The following CNTN4 variants were observed in gnomAD, a reference collection of about 807,000 sequenced individuals.
CNTN4 encodes contactin-4.
Under a neutral mutation model 122.5 loss-of-function variants are expected in CNTN4, and 77 were observed. That is an observed-to-expected ratio of 0.63 (90% CI 0.52 to 0.76). The LOEUF (loss-of-function observed/expected upper bound fraction) is 0.76. CNTN4 is among the 30% of genes least tolerant of loss of function. The probability of loss-of-function intolerance (pLI) is 0.00; values close to 1 mark genes in which losing one functional copy is unlikely to be tolerated. For missense variants in CNTN4, 1,256 were observed against 1,259.1 expected (o/e 1.00, Z 0.04); for synonymous variants, 512 against 447.0 (o/e 1.15, Z -1.83).
chr3:2,619,229 A>G (rs1440737596), intron 4 of CNTN4, among the ~76,000 whole-genome samples: 1 of 152,202 alleles, frequency 6.6e-6, no homozygotes, highest in African/African-American at 2.4e-5. Context: ...AGAAGAGAAA[A>G]TATCATGATT....
intron 14 of CNTN4, among the ~76,000 whole-genome samples, chr3:3,005,831 G>A (rs1696558474): frequency 2.0e-5 from 3 of 152,092 alleles, no homozygotes; most frequent in Admixed American, 2.0e-4. Flanking sequence ...TTGGAATTTG[G>A]GGGTTGGGGA....
chr3:2,118,820 A>G (rs918407420), intron 2 of CNTN4, among the ~76,000 whole-genome samples: 1 of 152,198 alleles, frequency 6.6e-6, no homozygotes, highest in African/African-American at 2.4e-5. Flanking sequence ...TCAGAACATG[A>G]TGTTTCATTT....
rs760573660 is a variant in CNTN4 at position 2,887,026 on chromosome 3, A to C, written c.756-14A>C. ...TCTCTAGTTTGATTCACTCCTTTTT[A>C]TTCTTGCTATCAGTCCAGTACCAAC... On this transcript the variant is annotated splice_polypyrimidine_tract_variant and intron_variant, in intron 9 of 24. Coordinates refer to ENST00000418658, the MANE Select transcript of CNTN4 (RefSeq NM_175607.3). 3 of 1,611,714 alleles carry C rather than the reference A, an allele frequency of 1.9e-6. No homozygotes were observed. The highest frequency in any genetic ancestry group is 2.5e-6 in the Non-Finnish European group (3 of 1,178,554).
intron 2 of CNTN4, among the ~76,000 whole-genome samples, chr3:2,278,330 A>G (rs2041594508): frequency 6.6e-6 from 1 of 152,202 alleles, no homozygotes; most frequent in Admixed American, 6.5e-5. Context: ...TTGGACATGC[A>G]TTCCTACTTC....
In CNTN4 at chr3:2,400,428, C is replaced by CATACAT. The variant is rs1156582228; in HGVS notation, c.-89+61198_-89+61199insCATATA. Among the ~76,000 whole-genome samples the CATACAT allele has an allele frequency of 1.7e-3, 161 of 95,794 alleles. 5 individuals carry two copies. Among genetic ancestry groups the CATACAT allele is most frequent in the Middle Eastern group, 6.4e-3 (1 of 156 alleles). 62.8% of individuals were successfully genotyped at this position (95,794 alleles called of 152,430 possible). On this transcript the variant is annotated intron_variant, in intron 3 of 24. Transcript: ENST00000418658. ...GAATATATATATATATATATATATA[C>CATACAT]ATATATATATATATATATATATCTC... is the stretch of plus-strand genomic sequence containing the variant.
intron 3 of CNTN4, among the ~76,000 whole-genome samples, chr3:2,493,312 G>A (rs1222421786): frequency 6.6e-6 from 1 of 151,918 alleles, no homozygotes; most frequent in African/African-American, 2.4e-5. Context: ...GATTATACTG[G>A]ACATTGGAAG....
intron 7 of CNTN4, among the ~76,000 whole-genome samples, chr3:2,853,421 T>C (rs1314597841): frequency 6.6e-6 from 1 of 152,086 alleles, no homozygotes; most frequent in Admixed American, 6.6e-5. Context: ...ATTTTTGAAT[T>C]TTTAGTAGAG....
At chr3:2,165,323 T>TA (rs1174087198) in intron 2 of CNTN4, among the ~76,000 whole-genome samples, 150 of 142,700 alleles carry the variant, frequency 1.1e-3, no homozygotes, top group East Asian at 1.4e-3. Flanking sequence ...GACTGCATCT[T>TA]AAAAAAAAAA....
At chr3:2,429,470 T>C (rs1459291407) in intron 3 of CNTN4, among the ~76,000 whole-genome samples, 2 of 152,152 alleles carry the variant, frequency 1.3e-5, no homozygotes, top group Non-Finnish European at 2.9e-5. Flanking sequence ...CACCCGGCCA[T>C]ATGAGGTGTC....
intron 4 of CNTN4, among the ~76,000 whole-genome samples, chr3:2,699,477 A>G (rs1375065822): frequency 6.6e-6 from 1 of 152,230 alleles, no homozygotes; most frequent in Non-Finnish European, 1.5e-5. Flanking sequence ...TGTAAAAGTC[A>G]GGTGTAAATT....
intron 2 of CNTN4, among the ~76,000 whole-genome samples, chr3:2,251,862 G>A (rs1316927398): frequency 1.3e-5 from 2 of 151,742 alleles, no homozygotes; most frequent in Admixed American, 6.6e-5. Flanking sequence ...ATTATAAAGA[G>A]AAGGCTGTTT....
chr3:2,377,369 T>C (rs2150727363), intron 3 of CNTN4, among the ~76,000 whole-genome samples: 1 of 152,308 alleles, frequency 6.6e-6, no homozygotes, highest in South Asian at 2.1e-4. Context: ...ATAGAATGAC[T>C]GGCCATGCCT....
At chr3:2,137,725 G>T (rs997615295) in intron 2 of CNTN4, among the ~76,000 whole-genome samples, 1 of 152,140 alleles carries the variant, frequency 6.6e-6, no homozygotes, top group African/African-American at 2.4e-5. Flanking sequence ...TGAATTTTTC[G>T]AAAGATTTTG....
intron 2 of CNTN4, among the ~76,000 whole-genome samples, chr3:2,275,512 TTTCACAATTATATATTATTAATGTGAAA>T (rs2041471520): frequency 6.6e-6 from 1 of 152,202 alleles, no homozygotes; most frequent in South Asian, 2.1e-4. Flanking sequence ...TAGCAATGAA[TTTCACAATTATATATTATTAATGTGAAA>T]TTCACAATTA....
At chr3:2,668,200 A>C (rs1340117743) in intron 4 of CNTN4, among the ~76,000 whole-genome samples, 3 of 152,200 alleles carry the variant, frequency 2.0e-5, no homozygotes, top group African/African-American at 7.2e-5. Context: ...CCATTTTCAC[A>C]ATATTGATTC....
intron 4 of CNTN4, among the ~76,000 whole-genome samples, chr3:2,576,855 G>A (rs1196677741): frequency 1.3e-5 from 2 of 152,032 alleles, no homozygotes; most frequent in African/African-American, 2.4e-5. Context: ...GTCACGCCTC[G>A]CCCATTTCTG....
intron 4 of CNTN4, among the ~76,000 whole-genome samples, chr3:2,708,727 T>TCTCTCA (rs1214979217): frequency 1.6e-4 from 24 of 151,006 alleles, no homozygotes; most frequent in African/African-American, 2.4e-4. Flanking sequence ...CACGCGCGCA[T>TCTCTCA]CACACACACA....
chr3:2,182,694 A>G (rs1460810679), intron 2 of CNTN4, among the ~76,000 whole-genome samples: 1 of 152,134 alleles, frequency 6.6e-6, no homozygotes, highest in African/African-American at 2.4e-5. Flanking sequence ...AATAAAGTAA[A>G]ATATGTCTTC....
chr3:2,657,049 A>C (rs574138338), intron 4 of CNTN4, among the ~76,000 whole-genome samples: 46 of 152,354 alleles, frequency 3.0e-4, no homozygotes, highest in African/African-American at 1.1e-3. Flanking sequence ...AATAAAAATA[A>C]ATTATGCAAT....
Sources: gnomAD v4.1 joint callset for allele counts (sites outside exome capture counted in the v4.1 genomes callset) on GRCh38, gnomAD v4.1.1 for gene constraint, MANE v1.5 for transcripts, NCBI Gene and HGNC (gene_info 2026-07-23, HGNC 2026-07-21) for gene names.